Variants in CFAP99 observed in about 807,000 individuals in gnomAD.
The protein encoded by CFAP99 is cilia- and flagella-associated protein 99.
A neutral mutation model predicts 82.7 loss-of-function variants in CFAP99; 84 were observed. The observed-to-expected ratio is 1.02, with a 90% confidence interval of 0.85 to 1.22. The LOEUF is 1.22. Ranked by LOEUF, CFAP99 falls within the 50% of genes most tolerant of loss-of-function variation. The pLI, the probability that CFAP99 is intolerant of heterozygous loss-of-function variation, is 0.00. For missense variants in CFAP99, 1,059 were observed against 983.5 expected, an observed-to-expected ratio of 1.08 and a Z score of -1.03; for synonymous variants, 456 against 429.5, an observed-to-expected ratio of 1.06 and a Z score of -0.76.
At chr4:2,438,557 C>T (rs932502003) in intron 4 of CFAP99, among the ~76,000 whole-genome samples, 5 of 152,274 alleles carry the variant, frequency 3.3e-5, no homozygotes, top group African/African-American at 7.2e-5. Flanking sequence ...CCACCACGCC[C>T]GGCCTCTGGT....
rs1292383251 is a variant in CFAP99, at chr4:2,451,021, G to C, written c.867+3G>C. ...CTCCGAAGCTGACCTTCTATAGGGT[G>C]AGGGGTGCTCCTGGATGGTCAGGCT... On this transcript the variant is annotated splice_donor_region_variant and intron_variant, in intron 9 of 14. Coordinates refer to ENST00000635017, the Ensembl canonical transcript of CFAP99. The C allele has an allele frequency of 6.5e-7, 1 of 1,535,764 alleles. No individual in the cohort carries two copies. Among genetic ancestry groups the C allele is most frequent in the Admixed American group, 2.0e-5 (1 of 50,982 alleles).
chr4:2,455,256 C>A (rs1335179946), intron 11 of CFAP99, among the ~76,000 whole-genome samples: 1 of 152,228 alleles, frequency 6.6e-6, no homozygotes, highest in Non-Finnish European at 1.5e-5. Flanking sequence ...TTGCAGATTG[C>A]TTTTTTTCCA....
At chr4:2,442,354 AAG>A (rs1734062567) in intron 4 of CFAP99, among the ~76,000 whole-genome samples, 3 of 152,088 alleles carry the variant, frequency 2.0e-5, no homozygotes, top group Admixed American at 2.0e-4. Flanking sequence ...AGGGGTGGGA[AAG>A]GGGGTGGAAG....
chr4:2,456,404 C>T lies in CFAP99; in HGVS notation c.1162-2319C>T, dbSNP rs943090911. On this transcript the variant is annotated intron_variant, in intron 11 of 14. Transcript: ENST00000635017. Reference sequence around the variant, plus strand: ...TATATTTTAAAATTATGGCTGGATGCGGTGGCTCACACCTGTAGTCACGGC... The same window carrying T: ...TATATTTTAAAATTATGGCTGGATGTGGTGGCTCACACCTGTAGTCACGGC... 3.9e-5 allele frequency among the ~76,000 whole-genome samples: 6 copies of T among 151,978 alleles called. No homozygotes were observed. The East Asian group carries it at 5.8e-4, about 15-fold the overall frequency.
Position 2,426,431 on chromosome 4 carries a change from G to A in CFAP99, c.-17-28G>A, listed in dbSNP as rs150188106. 4.7e-4 allele frequency: 667 copies of A among 1,406,988 alleles called. 2 individuals carry two copies. Among genetic ancestry groups the A allele is most frequent in the Middle Eastern group, 3.3e-3 (19 of 5,746 alleles). 87.2% of individuals were successfully genotyped at this position (1,406,988 alleles called of 1,614,324 possible). On this transcript the variant is annotated intron_variant, in intron 1 of 14. Transcript: ENST00000635017. ...CCTGCGGCTACATCCCAGGTGTGGA[G>A]GGCGTGACCTGCACGGTTTGTTCTT...
chr4:2,437,700 A>G (rs1733948038), intron 3 of CFAP99, among the ~76,000 whole-genome samples: 1 of 152,184 alleles, frequency 6.6e-6, no homozygotes, highest in Non-Finnish European at 1.5e-5. Flanking sequence ...GGGGCCCGTT[A>G]CAGTTCCTGC....
At chr4:2,427,400 A>T (rs1046876396) in intron 2 of CFAP99, 1 of 152,668 alleles carries the variant, frequency 6.6e-6, no homozygotes, top group African/African-American at 2.4e-5. Context: ...CTTGGTCTCC[A>T]TTGGATGGGG....
chr4:2,430,634 C>T (rs1370374005), intron 2 of CFAP99, among the ~76,000 whole-genome samples: 1 of 152,226 alleles, frequency 6.6e-6, no homozygotes, highest in African/African-American at 2.4e-5. Context: ...AAATTGTGCC[C>T]CTCCCCCAAA....
chr4:2,426,540 G>T, exon 2 of CFAP99: 1 of 1,536,028 alleles, frequency 6.5e-7, no homozygotes. Context: ...ACACCCAAGA[G>T]GGACAACCCT....
chr4:2,436,007 G>A (rs557126774), intron 2 of CFAP99, among the ~76,000 whole-genome samples: 1 of 150,774 alleles, frequency 6.6e-6, no homozygotes, highest in Non-Finnish European at 1.5e-5. Context: ...TGGGAAGGCA[G>A]CCTGAGAGTG....
chr4:2,453,368 A>T (rs1734345288), intron 11 of CFAP99, among the ~76,000 whole-genome samples: 1 of 152,232 alleles, frequency 6.6e-6, no homozygotes, highest in African/African-American at 2.4e-5. Flanking sequence ...AGAGGAAGTT[A>T]TATTTCCAGA....
rs35198255 is a variant in CFAP99 at position 2,446,816 on chromosome 4, AATGG to A, written c.642+1528_642+1531del. ...TGGATGGTAGATGGATGGGTGGATG[AATGG>A]ATGGATGGATGGATGGATGATTGGA... is the stretch of plus-strand genomic sequence containing the variant. On this transcript the variant is annotated intron_variant, in intron 6 of 14. Transcript: ENST00000635017. The surrounding 1 kb of genome is among the most constrained non-coding windows in gnomAD (Gnocchi z 5.0). Among the ~76,000 whole-genome samples, 76 of 150,282 alleles carry A rather than the reference AATGG, an allele frequency of 5.1e-4. No individual in the cohort carries two copies. The highest frequency in any genetic ancestry group is 1.5e-3 in the African/African-American group (63 of 40,966).
At position 2,450,933 on chromosome 4, in the gene CFAP99, C is replaced by T. The variant is rs1185176492; in HGVS notation, c.796-14C>T. 1 of 1,535,710 alleles carries T rather than the reference C, an allele frequency of 6.5e-7. No homozygotes were observed. The highest frequency in any genetic ancestry group is 1.4e-5 in the African/African-American group (1 of 73,014). On this transcript the variant is annotated splice_polypyrimidine_tract_variant and intron_variant, in intron 8 of 14. Coordinates refer to ENST00000635017, the Ensembl canonical transcript of CFAP99. ...ACAGGTGCCAGGCGGCCAGCTCTGC[C>T]CTGACTCCTGCAGGGCTCCAAGCAG...
At chr4:2,438,544 G>A (rs1008710699) in intron 4 of CFAP99, among the ~76,000 whole-genome samples, 1 of 152,122 alleles carries the variant, frequency 6.6e-6, no homozygotes, top group African/African-American at 2.4e-5. Context: ...TTACAGGCGT[G>A]AGCCACCACG....
chr4:2,461,096 G>C (rs1175979674), intron 14 of CFAP99, among the ~76,000 whole-genome samples: 2 of 152,148 alleles, frequency 1.3e-5, no homozygotes, highest in African/African-American at 4.8e-5. Context: ...TCTAGTTGAG[G>C]GTTGCAGATA....
chr4:2,449,045 A>G (rs1734240972), intron 6 of CFAP99, among the ~76,000 whole-genome samples: 1 of 152,024 alleles, frequency 6.6e-6, no homozygotes, highest in Admixed American at 6.5e-5. Context: ...GGACGAGTTG[A>G]TTTTCCATGA....
intron 13 of CFAP99, among the ~76,000 whole-genome samples, chr4:2,459,589 T>G (rs1373904905): frequency 6.6e-6 from 1 of 151,720 alleles, no homozygotes; most frequent in African/African-American, 2.4e-5. Flanking sequence ...AGCGCAGGTG[T>G]TTTCAAAGGC....
intron 2 of CFAP99, chr4:2,426,824 C>T: frequency 1.9e-6 from 1 of 516,904 alleles, no homozygotes; most frequent in Middle Eastern, 5.5e-4. Flanking sequence ...ATATGACATC[C>T]ACACTGCGGT....
intron 12 of CFAP99, 35 bp downstream of exon 12, chr4:2,458,899 G>C: frequency 1.3e-6 from 2 of 1,518,028 alleles, no homozygotes; most frequent in South Asian, 2.4e-5. Flanking sequence ...GCCCTACCCC[G>C]CTCTTCCCCA....
Sources: gnomAD v4.1 joint callset for allele counts (sites outside exome capture counted in the v4.1 genomes callset) on GRCh38, gnomAD v4.1.1 for gene constraint, Gnocchi (gnomAD v3.1) non-coding constraint, MANE v1.5 for transcripts, NCBI Gene and HGNC (gene_info 2026-07-23, HGNC 2026-07-21) for gene names.